Variants in OPCML observed in about 807,000 individuals in gnomAD.
OPCML encodes the protein opioid binding protein/cell adhesion molecule like, also known as opioid-binding protein/cell adhesion molecule.
Under a neutral mutation model 37.8 loss-of-function variants are expected in OPCML, and 13 were observed. That is an observed-to-expected ratio of 0.34 (90% CI 0.22 to 0.55). OPCML has a LOEUF of 0.55. Ranked by LOEUF, OPCML falls within the 20% of genes least tolerant of loss-of-function variation. OPCML has a pLI of 0.91. For missense variants in OPCML, 341 were observed against 435.6 expected, an observed-to-expected ratio of 0.78 and a Z score of 1.93; for synonymous variants, 176 against 168.8, an observed-to-expected ratio of 1.04 and a Z score of -0.33.
intron 1 of OPCML, chr11:133,439,410 T>G: frequency 1.0e-6 from 1 of 985,206 alleles, no homozygotes; most frequent in Non-Finnish European, 1.2e-6. Context: ...TTTCAGGGAA[T>G]AGGAAATGCT....
chr11:133,061,988 C>T (rs1948350987), intron 1 of OPCML, among the ~76,000 whole-genome samples: 1 of 152,176 alleles, frequency 6.6e-6, no homozygotes. Context: ...TGTTTAGCTA[C>T]AAAAGGTGAC....
chr11:133,481,899 A>G (rs968173416), intron 1 of OPCML, among the ~76,000 whole-genome samples: 3 of 152,206 alleles, frequency 2.0e-5, no homozygotes, highest in Non-Finnish European at 4.4e-5. Context: ...AAATGGACCG[A>G]CCTAAAGGTC....
At chr11:132,436,827 A>T in intron 5 of OPCML, 48 bp from the exon 6 acceptor site, 2 of 1,586,786 alleles carry the variant, frequency 1.3e-6, no homozygotes, top group Non-Finnish European at 1.7e-6. Context: ...ACGCACGCAC[A>T]CACAGAGTGA....
intron 1 of OPCML, among the ~76,000 whole-genome samples, chr11:133,531,160 T>C (rs1457380343): frequency 6.6e-6 from 1 of 152,236 alleles, no homozygotes; most frequent in Non-Finnish European, 1.5e-5. Flanking sequence ...GCCTAAAACC[T>C]TGGCAAGCAT....
At chr11:132,699,717 A>C (rs1186139704) in intron 2 of OPCML, among the ~76,000 whole-genome samples, 1 of 151,878 alleles carries the variant, frequency 6.6e-6, no homozygotes, top group Non-Finnish European at 1.5e-5. Context: ...ATGATGTGTG[A>C]CTCTTTTAAT....
intron 3 of OPCML, among the ~76,000 whole-genome samples, chr11:132,607,892 T>C (rs1938405425): frequency 6.6e-6 from 1 of 152,092 alleles, no homozygotes; most frequent in South Asian, 2.1e-4. Context: ...GGTTGAGTCG[T>C]AGGTACAAAC....
chr11:132,777,749 G>A (rs1353651413), intron 2 of OPCML, among the ~76,000 whole-genome samples: 1 of 152,096 alleles, frequency 6.6e-6, no homozygotes, highest in South Asian at 2.1e-4. Context: ...GAGAGGGAGC[G>A]GGAGAGGTTG....
rs557887476 is a variant in OPCML at position 132,464,494 on chromosome 11, A to C, written c.506-27135T>G. Among the ~76,000 whole-genome samples the C allele has an allele frequency of 2.0e-5, 3 of 152,352 alleles. No individual in the cohort carries two copies. The East Asian group carries it at 5.8e-4, about 29-fold the overall frequency. The stretch of plus-strand genomic sequence containing the variant: ...TCATGGCTTAATCTCTAATGTCTGG[A>C]ATATGGCCTGGTACAAAACAGCGGC... On this transcript the variant is annotated intron_variant, in intron 4 of 7. Transcript: ENST00000524381.
chr11:133,037,518 C>T (rs967333525), intron 1 of OPCML, among the ~76,000 whole-genome samples: 4 of 152,238 alleles, frequency 2.6e-5, no homozygotes, highest in African/African-American at 9.6e-5. Flanking sequence ...ATATTTTACT[C>T]GGAGCTAGAC....
chr11:133,145,191 A>G (rs1404995769), intron 1 of OPCML, among the ~76,000 whole-genome samples: 1 of 152,234 alleles, frequency 6.6e-6, no homozygotes, highest in African/African-American at 2.4e-5. Flanking sequence ...AGGGCTGACT[A>G]CGATTAATGA....
Position 133,006,766 on chromosome 11 carries a change from G to A in OPCML, c.62-63756C>T, listed in dbSNP as rs890194261. 1.7e-4 allele frequency: 171 copies of A among 985,302 alleles called. 1 individual carries two copies. Among genetic ancestry groups the A allele is most frequent in the Middle Eastern group, 5.2e-4 (1 of 1,934 alleles). The allele number at this position is 985,302 out of a possible 1,614,324, so 61.0% of individuals were successfully genotyped here. On this transcript the variant is annotated intron_variant, in intron 1 of 7. Transcript: ENST00000524381. Reference sequence around the variant, plus strand: ...AACACCTAGACATTGGCCTGACAACGCCTGCCCCATGCACACAGCAGGTCC... The same window carrying A: ...AACACCTAGACATTGGCCTGACAACACCTGCCCCATGCACACAGCAGGTCC...
intron 1 of OPCML, among the ~76,000 whole-genome samples, chr11:133,124,787 C>G (rs1314108156): frequency 1.3e-5 from 2 of 152,190 alleles, no homozygotes; most frequent in East Asian, 3.9e-4. Flanking sequence ...TCCTCATAGT[C>G]TCCTTGTTCA....
intron 2 of OPCML, among the ~76,000 whole-genome samples, chr11:132,876,295 T>C (rs1206157709): frequency 6.6e-6 from 1 of 152,158 alleles, no homozygotes; most frequent in Non-Finnish European, 1.5e-5. Flanking sequence ...GGCAGACATA[T>C]TGTCTTTCCA....
chr11:133,413,000 A>G (rs1945681463), intron 1 of OPCML, among the ~76,000 whole-genome samples: 1 of 152,146 alleles, frequency 6.6e-6, no homozygotes, highest in African/African-American at 2.4e-5. Context: ...TCAAGGCCCA[A>G]ATGAGAAGCA....
intron 2 of OPCML, among the ~76,000 whole-genome samples, chr11:132,846,794 G>A (rs1941559999): frequency 6.6e-6 from 1 of 152,080 alleles, no homozygotes; most frequent in Admixed American, 6.5e-5. Flanking sequence ...CTAGTGACAG[G>A]GAACTCCCTA....
intron 1 of OPCML, among the ~76,000 whole-genome samples, chr11:133,204,892 A>ATATATATGTGTG (rs1938989816): frequency 7.3e-6 from 1 of 137,350 alleles, no homozygotes; most frequent in Non-Finnish European, 1.6e-5. Context: ...ATATATATAT[A>ATATATATGTGTG]TATATATATA....
At chr11:133,140,936 A>G (rs1375769870) in intron 1 of OPCML, among the ~76,000 whole-genome samples, 1 of 19,324 alleles carries the variant, frequency 5.2e-5, no homozygotes, top group East Asian at 0.042. Flanking sequence ...GACGACGAAG[A>G]AGAAGAAGAC....
At chr11:132,480,884 A>T (rs955287191) in intron 4 of OPCML, among the ~76,000 whole-genome samples, 1 of 152,174 alleles carries the variant, frequency 6.6e-6, no homozygotes, top group Admixed American at 6.5e-5. Context: ...AAACATGGAA[A>T]GGAACAACCG....
At chr11:132,954,844 T>C (rs920883346) in intron 1 of OPCML, among the ~76,000 whole-genome samples, 3 of 151,974 alleles carry the variant, frequency 2.0e-5, no homozygotes, top group East Asian at 1.9e-4. Context: ...TGAGGAAGCC[T>C]GAGGAATGGC....
Sources: gnomAD v4.1 joint callset for allele counts (sites outside exome capture counted in the v4.1 genomes callset) on GRCh38, gnomAD v4.1.1 for gene constraint, MANE v1.5 for transcripts, NCBI Gene and HGNC (gene_info 2026-07-23, HGNC 2026-07-21) for gene names.